Variants in PHF20 observed in about 807,000 individuals in gnomAD.
The protein encoded by PHF20 is PHD finger protein 20.
In PHF20, 23 loss-of-function variants were observed where a neutral mutation model predicts 113.5. That is an observed-to-expected ratio of 0.20 (90% CI 0.15 to 0.29). PHF20 has a LOEUF of 0.29. Among genes scored for constraint, PHF20 ranks in the 10% least tolerant of loss-of-function variants. The pLI, the probability that PHF20 is intolerant of heterozygous loss-of-function variation, is 1.00. For missense variants in PHF20, 943 were observed against 1,219.6 expected (o/e 0.77, Z 3.38); for synonymous variants, 434 against 457.3 (o/e 0.95, Z 0.65).
At chr20:35,880,221 G>A (rs1045252511) in intron 9 of PHF20, among the ~76,000 whole-genome samples, 3 of 152,142 alleles carry the variant, frequency 2.0e-5, no homozygotes, top group African/African-American at 4.8e-5. Context: ...GGAAGAAGGC[G>A]GTACTTGCAC....
chr20:35,817,012 G>A (rs900210466), intron 2 of PHF20, among the ~76,000 whole-genome samples: 3 of 150,992 alleles, frequency 2.0e-5, no homozygotes, highest in African/African-American at 7.3e-5. Flanking sequence ...GGCTGGTCTC[G>A]AACTCCTGAT....
chr20:35,891,205 G>T (rs989716965), intron 9 of PHF20, among the ~76,000 whole-genome samples: 10 of 151,856 alleles, frequency 6.6e-5, no homozygotes, highest in Non-Finnish European at 1.3e-4. Flanking sequence ...GACGAAACCC[G>T]GTCTGTACTA....
chr20:35,922,335 A>G (rs1353539958), intron 13 of PHF20, among the ~76,000 whole-genome samples: 2 of 152,240 alleles, frequency 1.3e-5, no homozygotes, highest in Non-Finnish European at 2.9e-5. Context: ...GGAGCTAGCT[A>G]GAACAAATAC....
At chr20:35,932,351 G>GAGC (rs2055774874) in intron 15 of PHF20, among the ~76,000 whole-genome samples, 1 of 150,864 alleles carries the variant, frequency 6.6e-6, no homozygotes, top group Admixed American at 6.6e-5. Flanking sequence ...TTACAGGCAC[G>GAGC]AGCCACTGTA....
intron 2 of PHF20, among the ~76,000 whole-genome samples, chr20:35,804,334 C>T (rs1393735083): frequency 6.7e-6 from 1 of 150,322 alleles, no homozygotes; most frequent in Non-Finnish European, 1.5e-5. Context: ...CCTGGGTTCA[C>T]GCCATTCTCC....
At chr20:35,945,247 A>G (rs979826637) in intron 17 of PHF20, among the ~76,000 whole-genome samples, 4 of 152,264 alleles carry the variant, frequency 2.6e-5, no homozygotes, top group East Asian at 1.9e-4. Flanking sequence ...CATTTCAGAC[A>G]CAGGTGAGTG....
At chr20:35,929,810 ACT>A (rs1241899884) in intron 14 of PHF20, among the ~76,000 whole-genome samples, 1 of 152,228 alleles carries the variant, frequency 6.6e-6, no homozygotes, top group African/African-American at 2.4e-5. Flanking sequence ...TTATAGACTG[ACT>A]CTGCAGAGGG....
intron 2 of PHF20, among the ~76,000 whole-genome samples, chr20:35,831,971 T>C (rs144593652): frequency 1.1e-3 from 163 of 152,322 alleles, no homozygotes; most frequent in South Asian, 4.1e-3. Flanking sequence ...CGTGGACTGC[T>C]CTTGGCAAAC....
At chr20:35,892,235 T>G (rs2054885607) in intron 9 of PHF20, among the ~76,000 whole-genome samples, 1 of 149,112 alleles carries the variant, frequency 6.7e-6, no homozygotes, top group Admixed American at 6.7e-5. Context: ...TTTTTTTTTT[T>G]TTTTTTTTTT....
At chr20:35,931,491 C>CTG (rs764093018) in intron 15 of PHF20, 47 bp downstream of exon 15, 1 of 1,450,286 alleles carries the variant, frequency 6.9e-7, no homozygotes, top group East Asian at 2.3e-5. Context: ...TTGGCATGGT[C>CTG]TGGGGGCTGA....
Position 35,947,479 on chromosome 20 carries a change from C to T in PHF20, c.2897-6C>T, listed in dbSNP as rs140445450. 1.2e-3 allele frequency: 1,920 copies of T among 1,613,420 alleles called. 31 individuals are homozygous for T. The African/African-American group carries it at 0.021, about 18-fold the overall frequency. On this transcript the variant is annotated splice_polypyrimidine_tract_variant and splice_region_variant and intron_variant, in intron 17 of 17. Transcript: ENST00000374012. ...ACTAGGTCTCATCTCTCTCTTCTGC[C>T]GACAGTGTTGGAGAGCTGGCTGGAC...
rs1354617506 is a variant in PHF20 at position 35,939,083 on chromosome 20, G to A, written c.2687G>A (p.Ser896Asn). 1 of 1,610,882 alleles carries A rather than the reference G, an allele frequency of 6.2e-7. No homozygotes were observed. The highest frequency in any genetic ancestry group is 1.7e-5 in the Admixed American group (1 of 59,684). The change falls in exon 16 of 18, where the codon AGT (serine) becomes AAT (asparagine). Residue 896 changes from serine to asparagine, a missense_variant. By Grantham distance (46) the Ser-to-Asn change is conservative. Transcript: ENST00000374012. ...GACCAAGACAGGAGCAAGGGGGACA[G>A]TGACCCCAAACCCGGCTCCCCAAAG... ...PLDQDRSKGD[S>N]DPKPGSPKVK...
intron 1 of PHF20, among the ~76,000 whole-genome samples, chr20:35,785,091 G>T (rs1470898379): frequency 1.3e-5 from 2 of 151,722 alleles, no homozygotes; most frequent in Non-Finnish European, 2.9e-5. Context: ...GAGGAAGGAG[G>T]TCTTGCTTCT....
chr20:35,897,898 C>T (rs2055018817), intron 9 of PHF20, among the ~76,000 whole-genome samples: 2 of 148,712 alleles, frequency 1.3e-5, no homozygotes, highest in Non-Finnish European at 3.0e-5. Context: ...TTTTTTGAGA[C>T]AGAGTCTTGC....
chr20:35,850,303 T>TG (rs1324838812), intron 4 of PHF20, among the ~76,000 whole-genome samples: 1 of 104,872 alleles, frequency 9.5e-6, no homozygotes, highest in Non-Finnish European at 1.9e-5. Context: ...TCCGTTTTTT[T>TG]TTTTTTTTTT....
intron 4 of PHF20, among the ~76,000 whole-genome samples, chr20:35,857,095 G>T (rs569439655): frequency 2.6e-5 from 4 of 152,032 alleles, no homozygotes; most frequent in Non-Finnish European, 5.9e-5. Flanking sequence ...TGCAGGGGGT[G>T]GGGGAATTGG....
intron 1 of PHF20, among the ~76,000 whole-genome samples, chr20:35,797,715 G>A (rs1225421843): frequency 2.7e-5 from 4 of 147,200 alleles, no homozygotes; most frequent in Non-Finnish European, 6.0e-5. Flanking sequence ...GCAGTGGCAC[G>A]ATGTCAACTC....
intron 4 of PHF20, among the ~76,000 whole-genome samples, chr20:35,852,849 G>A (rs965083455): frequency 1.3e-5 from 2 of 151,390 alleles, no homozygotes; most frequent in African/African-American, 4.9e-5. Flanking sequence ...CACCCGCGTC[G>A]GTCTCCCAAA....
chr20:35,935,042 T>A (rs1050162346), intron 15 of PHF20, among the ~76,000 whole-genome samples: 5 of 152,044 alleles, frequency 3.3e-5, no homozygotes, highest in African/African-American at 9.7e-5. Flanking sequence ...TTTTTTTTTT[T>A]AAGAGATGGA....
Sources: gnomAD v4.1 joint callset for allele counts (sites outside exome capture counted in the v4.1 genomes callset) on GRCh38, gnomAD v4.1.1 for gene constraint, MANE v1.5 for transcripts, NCBI Gene and HGNC (gene_info 2026-07-23, HGNC 2026-07-21) for gene names.